The following IGSF10 variants were observed in gnomAD, a reference collection of about 807,000 sequenced individuals.
IGSF10 encodes the protein immunoglobulin superfamily member 10, also known as calvaria mechanical force protein 608.
In IGSF10, 126 loss-of-function variants were observed where a neutral mutation model predicts 128.2. The observed-to-expected ratio is 0.98, with a 90% CI of 0.85 to 1.14. IGSF10 has a LOEUF of 1.14. Among genes scored for constraint, IGSF10 ranks in the 50% most tolerant of loss-of-function variants. IGSF10 has a pLI of 0.00. For missense variants in IGSF10, 3,295 were observed against 3,149.8 expected, an observed-to-expected ratio of 1.05 and a Z score of -1.10; for synonymous variants, 1,185 against 1,146.2, an observed-to-expected ratio of 1.03 and a Z score of -0.68.
At chr3:151,530,727 A>T in the IGSF10 span, among the ~76,000 whole-genome samples, 4 of 152,210 alleles carry the variant, frequency 2.6e-5, no homozygotes, top group African/African-American at 9.6e-5. Context: ...CTCAACATGG[A>T]AAGGAACAAC....
chr3:151,481,133 C>T, the IGSF10 span, among the ~76,000 whole-genome samples: 2 of 152,276 alleles, frequency 1.3e-5, no homozygotes, highest in East Asian at 3.9e-4. Flanking sequence ...GCTCTGCTGA[C>T]TCACGTAGCT....
the IGSF10 span, among the ~76,000 whole-genome samples, chr3:151,618,589 G>T: frequency 1.6e-3 from 250 of 151,796 alleles, 2 homozygotes; most frequent in East Asian, 0.043. Context: ...AATTAGCCGG[G>T]CGTGGTGGTG....
In IGSF10 at chr3:151,438,405, A is replaced by C. The variant is rs1490345807; in HGVS notation, c.6156T>G (p.His2052Gln). Residue 2052 changes from histidine to glutamine, a missense_variant, in exon 8 of 8, where the codon CAT (histidine) becomes CAG (glutamine). Physicochemically the swap from His to Gln is conservative, Grantham distance 24. Transcript: ENST00000282466. ...TGCAATCTACTTGGAAATCTTTCCC[A>C]TGGAGCACTTGCTTTCTAAAATACT... ...HKQYFRKQVL[H>Q]GKDFQVDCKA... 5.6e-6 allele frequency: 9 copies of C among 1,614,146 alleles called. No homozygotes were observed. The highest frequency in any genetic ancestry group is 7.6e-6 in the Non-Finnish European group (9 of 1,180,022).
At chr3:151,503,249 C>T in the IGSF10 span, among the ~76,000 whole-genome samples, 3 of 151,728 alleles carry the variant, frequency 2.0e-5, no homozygotes, top group Non-Finnish European at 2.9e-5. Context: ...TAATCAGGCC[C>T]ACTAGGAAAT....
chr3:151,454,482 G>A (rs548790983), intron 4 of IGSF10, among the ~76,000 whole-genome samples: 1 of 152,232 alleles, frequency 6.6e-6, no homozygotes, highest in South Asian at 2.1e-4. Context: ...AGAGGTGCAG[G>A]TGAGACATCT....
chr3:151,587,581 A>C, the IGSF10 span, among the ~76,000 whole-genome samples: 1 of 151,954 alleles, frequency 6.6e-6, no homozygotes, highest in African/African-American at 2.4e-5. Context: ...ACTATGAATT[A>C]TTTTTCTTGT....
the IGSF10 span, among the ~76,000 whole-genome samples, chr3:151,566,782 A>G: frequency 6.6e-6 from 1 of 152,326 alleles, no homozygotes; most frequent in African/African-American, 2.4e-5. Context: ...GTTAACAGCC[A>G]CAAGTCCTGT....
chr3:151,579,981 C>A, the IGSF10 span, among the ~76,000 whole-genome samples: 4 of 151,728 alleles, frequency 2.6e-5, no homozygotes, highest in Non-Finnish European at 5.9e-5. Flanking sequence ...CTTGAAGCAG[C>A]CAGAAGTAAA....
the IGSF10 span, among the ~76,000 whole-genome samples, chr3:151,591,516 T>C: frequency 1.3e-5 from 2 of 150,664 alleles, no homozygotes; most frequent in South Asian, 4.2e-4. Flanking sequence ...TATTACTAGT[T>C]GCAAGGCACC....
upstream of IGSF10, among the ~76,000 whole-genome samples, chr3:151,463,550 T>G (rs1251764594): frequency 9.0e-4 from 100 of 111,246 alleles, 1 homozygote; most frequent in African/African-American, 3.5e-3. Context: ...TTTTTTTTTT[T>G]TTTTTTTTTT....
the IGSF10 span, among the ~76,000 whole-genome samples, chr3:151,564,516 T>C: frequency 6.6e-6 from 1 of 152,300 alleles, no homozygotes; most frequent in South Asian, 2.1e-4. Flanking sequence ...TCTAAATTTC[T>C]GGCTTCTTTT....
chr3:151,491,049 G>A, the IGSF10 span, among the ~76,000 whole-genome samples: 3 of 151,980 alleles, frequency 2.0e-5, no homozygotes, highest in Non-Finnish European at 4.4e-5. Flanking sequence ...GCCATGGAAA[G>A]AATCAATAAA....
chr3:151,547,197 G>A, the IGSF10 span, among the ~76,000 whole-genome samples: 11 of 151,674 alleles, frequency 7.3e-5, no homozygotes, highest in South Asian at 2.1e-4. Flanking sequence ...CAACCACACC[G>A]TCCCACACAC....
chr3:151,619,039 T>C, the IGSF10 span, among the ~76,000 whole-genome samples: 1 of 151,422 alleles, frequency 6.6e-6, no homozygotes, highest in Non-Finnish European at 1.5e-5. Flanking sequence ...TGAAAATTAA[T>C]AAATAGAATA....
At chr3:151,533,059 C>A in the IGSF10 span, among the ~76,000 whole-genome samples, 1 of 152,172 alleles carries the variant, frequency 6.6e-6, no homozygotes, top group Non-Finnish European at 1.5e-5. Flanking sequence ...AACTCCCATT[C>A]ACAACTGCTA....
chr3:151,453,422 T>C lies in IGSF10; in HGVS notation c.677A>G (p.His226Arg). ...TATCCAGTCAGACAACCACTTTAAA[T>C]GGCAATCACAGGTCCATGGGTTTCC... ...LHGNPWTCDC[H>R]LKWLSDWIQE... Residue 226 changes from histidine (H) to arginine (R), a missense_variant, in exon 5 of 8, where the codon CAT (histidine) becomes CGT (arginine). Transcript: ENST00000282466. 1 of 1,607,636 alleles carries C rather than the reference T, an allele frequency of 6.2e-7. No homozygotes were observed.
chr3:151,498,646 TTAGA>T, the IGSF10 span, among the ~76,000 whole-genome samples: 34 of 152,246 alleles, frequency 2.2e-4, no homozygotes, highest in African/African-American at 7.2e-4. Context: ...ATGGGACATG[TTAGA>T]TAAAGTTATA....
upstream of IGSF10, among the ~76,000 whole-genome samples, chr3:151,462,232 G>C (rs1286953509): frequency 6.6e-6 from 1 of 152,140 alleles, no homozygotes; most frequent in Non-Finnish European, 1.5e-5. Context: ...AATTTGCAAT[G>C]AATGTTTTAG....
chr3:151,551,398 T>A, the IGSF10 span, among the ~76,000 whole-genome samples: 1 of 152,128 alleles, frequency 6.6e-6, no homozygotes, highest in Admixed American at 6.6e-5. Context: ...AGAATCTATG[T>A]ACACAAAAAG....
Sources: allele counts gnomAD v4.1 joint callset (sites outside exome capture counted in the v4.1 genomes callset), GRCh38; gene constraint gnomAD v4.1.1; transcripts MANE v1.5; gene names NCBI Gene and HGNC (gene_info 2026-07-23, HGNC 2026-07-21).